AOAH: variants seen among roughly 807,000 people sequenced by gnomAD.
AOAH encodes the protein acyloxyacyl hydrolase (neutrophil).
Under a neutral mutation model 92.2 loss-of-function variants are expected in AOAH, and 64 were observed. The observed-to-expected ratio is 0.69, with a 90% CI of 0.57 to 0.86. AOAH has a LOEUF of 0.86. Ranked by LOEUF, AOAH falls within the 40% of genes least tolerant of loss-of-function variation. The pLI is 0.00. For synonymous variants in AOAH, 263 were observed against 254.5 expected (o/e 1.03, Z -0.32); for missense variants, 656 against 694.6 (o/e 0.94, Z 0.62).
At chr7:36,651,585 G>C (rs1562659684) in intron 4 of AOAH, among the ~76,000 whole-genome samples, 2 of 152,194 alleles carry the variant, frequency 1.3e-5, no homozygotes. Flanking sequence ...AGCTGTTTAT[G>C]ATATTTTATG....
intron 11 of AOAH, among the ~76,000 whole-genome samples, chr7:36,611,579 CT>C (rs1466536670): frequency 6.6e-6 from 1 of 152,144 alleles, no homozygotes; most frequent in African/African-American, 2.4e-5. Context: ...GTGGGCCCCT[CT>C]TTTTCCTGGA....
chr7:36,513,594 T>C (rs929540295), intron 20 of AOAH, among the ~76,000 whole-genome samples: 2 of 152,222 alleles, frequency 1.3e-5, no homozygotes, highest in Non-Finnish European at 2.9e-5. Flanking sequence ...GAGACGCTGC[T>C]TCAGCGATGG....
At position 36,524,502 on chromosome 7, in the gene AOAH, T is replaced by TAA. The variant is rs11309945; in HGVS notation, c.1523-2389_1523-2388dup. ...TCTACTAAAAATACAAAAGAAAACC[T>TAA]AAAAAAAAAAAAAACAAAAAAAAAT... On this transcript the variant is annotated intron_variant, in intron 19 of 20. Transcript: ENST00000617537. 4.9e-3 allele frequency among the ~76,000 whole-genome samples: 675 copies of TAA among 136,654 alleles called. 1 individual carries two copies. Among genetic ancestry groups the TAA allele is most frequent in the African/African-American group, 0.018 (649 of 36,354 alleles). 89.7% of individuals were successfully genotyped at this position (136,654 alleles called of 152,430 possible). A position where few individuals can be genotyped will look rare whatever the true frequency, so the allele number is the denominator to read the frequency against.
At chr7:36,682,204 G>T (rs1796692956) in intron 2 of AOAH, among the ~76,000 whole-genome samples, 1 of 152,236 alleles carries the variant, frequency 6.6e-6, no homozygotes, top group African/African-American at 2.4e-5. Context: ...TCCAGGGCAA[G>T]GCCCACACTG....
chr7:36,587,019 C>T (rs1789380201), intron 12 of AOAH, among the ~76,000 whole-genome samples: 1 of 151,956 alleles, frequency 6.6e-6, no homozygotes. Context: ...TTCCTATAAT[C>T]CCAGCACGTT....
chr7:36,608,915 G>T (rs970444064), intron 11 of AOAH, among the ~76,000 whole-genome samples: 1 of 143,268 alleles, frequency 7.0e-6, no homozygotes, highest in South Asian at 2.5e-4. Context: ...CGGGGAGGGG[G>T]GGGGGTCTGG....
At chr7:36,698,123 T>C (rs976787166) in intron 1 of AOAH, among the ~76,000 whole-genome samples, 1 of 152,244 alleles carries the variant, frequency 6.6e-6, no homozygotes, top group African/African-American at 2.4e-5. Flanking sequence ...CTTTACTTGG[T>C]ATAGGTCTAT....
intron 4 of AOAH, among the ~76,000 whole-genome samples, chr7:36,657,957 T>A (rs17403438): frequency 0.14 from 21,875 of 152,180 alleles, 1,905 homozygotes; most frequent in Non-Finnish European, 0.19. Context: ...TCACTTGCAT[T>A]TCTACACAGA....
At chr7:36,677,189 A>G (rs1462608450) in intron 2 of AOAH, among the ~76,000 whole-genome samples, 1 of 152,194 alleles carries the variant, frequency 6.6e-6, no homozygotes, top group Non-Finnish European at 1.5e-5. Context: ...TCATATATCA[A>G]ATGACCTATC....
intron 12 of AOAH, among the ~76,000 whole-genome samples, chr7:36,583,485 T>A (rs1444688329): frequency 6.6e-6 from 1 of 152,174 alleles, no homozygotes; most frequent in African/African-American, 2.4e-5. Flanking sequence ...CCTAACTCAC[T>A]ACATCATAGA....
intron 3 of AOAH, among the ~76,000 whole-genome samples, chr7:36,671,433 G>A (rs1339870154): frequency 6.6e-6 from 1 of 152,106 alleles, no homozygotes; most frequent in African/African-American, 2.4e-5. Context: ...TGTAGTCCTA[G>A]CCCTCAAACT....
chr7:36,515,249 C>CCA (rs1346010714), intron 20 of AOAH, among the ~76,000 whole-genome samples: 1 of 138,980 alleles, frequency 7.2e-6, no homozygotes, highest in African/African-American at 2.7e-5. Flanking sequence ...CAACCCCACA[C>CCA]CACACACACA....
intron 1 of AOAH, among the ~76,000 whole-genome samples, chr7:36,714,138 A>C (rs1183810755): frequency 6.6e-6 from 1 of 152,188 alleles, no homozygotes; most frequent in Non-Finnish European, 1.5e-5. Context: ...AAAATGATAA[A>C]GGGGATATCA....
chr7:36,522,638 G>A (rs10273902), intron 19 of AOAH, among the ~76,000 whole-genome samples: 22,013 of 152,138 alleles, frequency 0.14, 2,991 homozygotes, highest in African/African-American at 0.35. Context: ...ACGAGCCCCA[G>A]AATGATGAAA....
At chr7:36,641,631 G>C (rs1391713541) in intron 4 of AOAH, among the ~76,000 whole-genome samples, 1 of 152,142 alleles carries the variant, frequency 6.6e-6, no homozygotes, top group Non-Finnish European at 1.5e-5. Flanking sequence ...AGCTTTCCTA[G>C]CTTTCGGGCC....
At chr7:36,532,237 AG>A in intron 17 of AOAH, 31 bp from the exon 18 acceptor site, 1 of 1,614,194 alleles carries the variant, frequency 6.2e-7, no homozygotes, top group South Asian at 1.1e-5. Flanking sequence ...TTGATTACAG[AG>A]GATCAGGGTA....
At chr7:36,594,275 C>T in intron 12 of AOAH, 64 bp downstream of exon 12, 3 of 1,289,340 alleles carry the variant, frequency 2.3e-6, no homozygotes, top group Non-Finnish European at 3.4e-6. Context: ...GTAGCAACCC[C>T]CATCTCTTGT....
chr7:36,531,637 C>T (rs187961971), intron 18 of AOAH, among the ~76,000 whole-genome samples: 63 of 152,236 alleles, frequency 4.1e-4, no homozygotes, highest in Middle Eastern at 3.4e-3. Context: ...TGTGAGCCAC[C>T]GCGCCCAGCC....
At chr7:36,607,514 C>A (rs1298536395) in intron 11 of AOAH, among the ~76,000 whole-genome samples, 1 of 152,142 alleles carries the variant, frequency 6.6e-6, no homozygotes, top group African/African-American at 2.4e-5. Flanking sequence ...TTCCTTTTTC[C>A]CACTGCACAC....
Sources: gnomAD v4.1 joint callset for allele counts (sites outside exome capture counted in the v4.1 genomes callset) on GRCh38, gnomAD v4.1.1 for gene constraint, MANE v1.5 for transcripts, NCBI Gene and HGNC (gene_info 2026-07-23, HGNC 2026-07-21) for gene names.